FANCD2OS: variants seen among roughly 807,000 people sequenced by gnomAD.
FANCD2OS encodes FANCD2 opposite strand.
In FANCD2OS, 11 loss-of-function variants were observed where a neutral mutation model predicts 13.2. That is an observed-to-expected ratio of 0.83 (90% CI 0.52 to 1.38). The LOEUF (loss-of-function observed/expected upper bound fraction) is 1.38. FANCD2OS is among the 40% of genes most tolerant of loss of function. The pLI is 0.00. For missense variants in FANCD2OS, 217 were observed against 213.9 expected, an observed-to-expected ratio of 1.01 and a Z score of -0.09; for synonymous variants, 69 against 84.5, an observed-to-expected ratio of 0.82 and a Z score of 1.01.
rs770863196 is a variant in FANCD2OS, at chr3:10,090,385, G to T, written c.*44-8854C>A. ...CTGGCACAGCAGCAGACTCGCAGCA[G>T]GTGAGTAAGATAATAGTCACTTCAA... On this transcript the variant is annotated intron_variant, in intron 2 of 2. Coordinates refer to the FANCD2OS transcript ENST00000524279. 3.1e-6 allele frequency: 5 copies of T among 1,597,936 alleles called. No individual in the cohort carries two copies. In the South Asian group the frequency reaches 5.5e-5, roughly 18 times the overall value.
intron 2 of FANCD2OS, chr3:10,092,171 G>A: frequency 1.2e-6 from 2 of 1,609,730 alleles, no homozygotes; most frequent in Non-Finnish European, 1.7e-6. Flanking sequence ...CATATATTTG[G>A]CTGCCCCAGA....
chr3:10,087,715 T>C (rs1694305629), intron 2 of FANCD2OS, among the ~76,000 whole-genome samples: 1 of 152,092 alleles, frequency 6.6e-6, no homozygotes, highest in South Asian at 2.1e-4. Context: ...TGGTGCGATG[T>C]TGGCTCACTG....
At chr3:10,097,848 G>A (rs575510044) in intron 2 of FANCD2OS, among the ~76,000 whole-genome samples, 1 of 152,302 alleles carries the variant, frequency 6.6e-6, no homozygotes, top group East Asian at 1.9e-4. Context: ...AATTACAAAA[G>A]TATTAATTTG....
intron 2 of FANCD2OS, among the ~76,000 whole-genome samples, chr3:10,084,794 AG>A (rs2125067237): frequency 6.6e-6 from 1 of 152,320 alleles, no homozygotes; most frequent in African/African-American, 2.4e-5. Context: ...TGGGCCTCAA[AG>A]GTCAGGCAGA....
chr3:10,105,768 AAAATTATATATATATATAT>A (rs1695465951), intron 1 of FANCD2OS, among the ~76,000 whole-genome samples: 1 of 51,406 alleles, frequency 1.9e-5, no homozygotes, highest in African/African-American at 2.1e-4. Context: ...AAAAAAAAAA[AAAATTATATATATATATAT>A]ATATATATAT....
chr3:10,107,523 T>A (rs961336022), intron 1 of FANCD2OS, among the ~76,000 whole-genome samples: 2 of 151,924 alleles, frequency 1.3e-5, no homozygotes, highest in South Asian at 4.1e-4. Flanking sequence ...CCTGACCTCG[T>A]GATCCGCCCG....
intron 2 of FANCD2OS, chr3:10,088,683 CAT>C (rs891286855): frequency 9.1e-7 from 1 of 1,098,262 alleles, no homozygotes; most frequent in Non-Finnish European, 1.4e-6. Context: ...CAATTTGGAA[CAT>C]GTGGATCTTA....
At chr3:10,098,737 C>A, downstream of FANCD2OS, 1 of 1,614,082 alleles carries the variant, frequency 6.2e-7, no homozygotes, top group African/African-American at 1.3e-5. Flanking sequence ...AGATTAAGTC[C>A]CAAAATTCCC....
intron 2 of FANCD2OS, chr3:10,087,016 A>C: frequency 9.3e-7 from 1 of 1,079,426 alleles, no homozygotes; most frequent in Non-Finnish European, 1.4e-6. Context: ...GAAAATAAGG[A>C]GGATTCTGAT....
In FANCD2OS at chr3:10,088,909, T is replaced by A. The variant is rs538250317; in HGVS notation, c.*44-7378A>T. On this transcript the variant is annotated intron_variant, in intron 2 of 2. Transcript: ENST00000524279. The stretch of plus-strand genomic sequence containing the variant: ...TTGGTGTCCCAGAACTGATCAACTC[T>A]CCTAAAGATGCATCTTCCTCCACAT... The A allele has an allele frequency of 3.4e-5, 55 of 1,613,838 alleles. 1 individual carries two copies. In the South Asian group the frequency reaches 6.0e-4, roughly 18 times the overall value.
chr3:10,094,883 TCA>T, intron 2 of FANCD2OS: 1 of 410,246 alleles, frequency 2.4e-6, no homozygotes, highest in South Asian at 2.3e-5. Flanking sequence ...GGTTGGTCCC[TCA>T]CAGCCCTGAA....
chr3:10,096,127 G>A (rs1346191391), intron 2 of FANCD2OS, among the ~76,000 whole-genome samples: 1 of 152,128 alleles, frequency 6.6e-6, no homozygotes, highest in East Asian at 1.9e-4. Context: ...GGTGTTGGTG[G>A]TATGTCTTCT....
chr3:10,097,190 A>C (rs1695021050), intron 2 of FANCD2OS, among the ~76,000 whole-genome samples: 1 of 152,242 alleles, frequency 6.6e-6, no homozygotes, highest in Admixed American at 6.5e-5. Flanking sequence ...ACATGACCGC[A>C]GGACCGAGGC....
intron 2 of FANCD2OS, among the ~76,000 whole-genome samples, chr3:10,085,229 G>A (rs969075090): frequency 1.3e-5 from 2 of 152,072 alleles, no homozygotes; most frequent in Admixed American, 6.6e-5. Flanking sequence ...CCCAGGCGTG[G>A]TGGCTCACCC....
chr3:10,084,310 G>C (rs1694042867), intron 2 of FANCD2OS, among the ~76,000 whole-genome samples: 1 of 135,926 alleles, frequency 7.4e-6, no homozygotes, highest in African/African-American at 2.9e-5. Flanking sequence ...TTTCTTCCCT[G>C]AGACAGGGTC....
intron 2 of FANCD2OS, chr3:10,090,148 G>A (rs749094775): frequency 9.5e-5 from 63 of 660,916 alleles, no homozygotes; most frequent in Non-Finnish European, 1.5e-4. Context: ...AGTCCTTTCC[G>A]CTCCCCCATC....
intron 2 of FANCD2OS, among the ~76,000 whole-genome samples, chr3:10,082,467 T>G (rs762740358): frequency 7.2e-5 from 11 of 152,180 alleles, no homozygotes; most frequent in Non-Finnish European, 1.5e-4. Context: ...GATTTCTGAT[T>G]GCTCTTAGAT....
At chr3:10,090,651 G>A (rs974315136) in intron 2 of FANCD2OS, among the ~76,000 whole-genome samples, 10 of 151,808 alleles carry the variant, frequency 6.6e-5, no homozygotes, top group Non-Finnish European at 1.3e-4. Context: ...GTAGAGACAG[G>A]GTTTCACCAT....
At chr3:10,081,380 G>C in exon 3 of FANCD2OS, 1 of 1,614,086 alleles carries the variant, frequency 6.2e-7, no homozygotes, top group Non-Finnish European at 8.5e-7. Flanking sequence ...GTAGTTGATG[G>C]ACCAGGAGTG....
Sources: gnomAD v4.1 joint callset for allele counts (sites outside exome capture counted in the v4.1 genomes callset) on GRCh38, gnomAD v4.1.1 for gene constraint, MANE v1.5 for transcripts, NCBI Gene and HGNC (gene_info 2026-07-23, HGNC 2026-07-21) for gene names.